FARP1: variants seen among roughly 807,000 people sequenced by gnomAD.
FARP1 encodes the protein FERM, ARHGEF and pleckstrin domain-containing protein 1.
A neutral mutation model predicts 128.8 loss-of-function variants in FARP1; 52 were observed. That is an observed-to-expected ratio of 0.40 (90% CI 0.32 to 0.51). The LOEUF is 0.51. Among genes scored for constraint, FARP1 ranks in the 20% least tolerant of loss-of-function variants. The pLI is 0.45. For missense variants in FARP1, 1,333 were observed against 1,367.9 expected, an observed-to-expected ratio of 0.97 and a Z score of 0.40; for synonymous variants, 580 against 551.8, an observed-to-expected ratio of 1.05 and a Z score of -0.72.
intron 2 of FARP1, among the ~76,000 whole-genome samples, chr13:98,274,776 G>A (rs1208133170): frequency 1.3e-5 from 2 of 152,132 alleles, no homozygotes; most frequent in African/African-American, 4.8e-5. Flanking sequence ...CCAAGTTGGT[G>A]ACCATCAAAA....
chr13:98,275,336 G>GGAGA (rs58331449), intron 2 of FARP1, among the ~76,000 whole-genome samples: 38,641 of 143,258 alleles, frequency 0.27, 5,274 homozygotes, highest in East Asian at 0.5. Context: ...ATGTGGGTAA[G>GGAGA]GAGAGAGAGA....
rs1893217916 is a variant in FARP1, at chr13:98,451,988, A to C, written c.*3671A>C. Reference sequence around the variant, plus strand: ...CATCTCGGTGAGCAAGTGCGCAAGCAGTCCAGGGCGCTGACCTGGGCACTC... The same window carrying C: ...CATCTCGGTGAGCAAGTGCGCAAGCCGTCCAGGGCGCTGACCTGGGCACTC... On this transcript the variant is annotated 3_prime_UTR_variant, in exon 27 of 27. Coordinates refer to ENST00000319562, the MANE Select transcript of FARP1 (RefSeq NM_005766.4). The C allele has an allele frequency of 6.6e-6, 1 of 152,234 alleles. No homozygotes were observed. The highest frequency in any genetic ancestry group is 2.4e-5 in the African/African-American group (1 of 41,436). The allele number at this position is 152,234 out of a possible 1,614,324, so 9.4% of individuals were successfully genotyped here.
chr13:98,311,625 C>T (rs564242705), intron 2 of FARP1, among the ~76,000 whole-genome samples: 8 of 152,144 alleles, frequency 5.3e-5, no homozygotes, highest in African/African-American at 1.7e-4. Flanking sequence ...CTTTTCAATG[C>T]AATCCCAGCC....
chr13:98,211,632 T>G (rs1486313433), intron 1 of FARP1, among the ~76,000 whole-genome samples: 2 of 152,338 alleles, frequency 1.3e-5, no homozygotes, highest in Middle Eastern at 3.4e-3. Flanking sequence ...CCATTCCACT[T>G]CCCAGGAGTG....
intron 2 of FARP1, among the ~76,000 whole-genome samples, chr13:98,223,968 G>T (rs1008295208): frequency 2.0e-5 from 3 of 152,176 alleles, no homozygotes; most frequent in African/African-American, 7.2e-5. Flanking sequence ...ATTTGCCTGT[G>T]ACATGAACTA....
At chr13:98,145,890 G>T (rs1449427801) in intron 1 of FARP1, among the ~76,000 whole-genome samples, 1 of 140,296 alleles carries the variant, frequency 7.1e-6, no homozygotes, top group Non-Finnish European at 1.6e-5. Flanking sequence ...GAGAAAAAAG[G>T]AACTGCCCAA....
intron 2 of FARP1, among the ~76,000 whole-genome samples, chr13:98,234,987 A>C (rs1489566047): frequency 6.6e-6 from 1 of 152,212 alleles, no homozygotes; most frequent in Non-Finnish European, 1.5e-5. Context: ...AATCAAAATA[A>C]ATTTTCTTTA....
chr13:98,439,684 A>G (rs1256296799), intron 21 of FARP1, among the ~76,000 whole-genome samples: 1 of 152,098 alleles, frequency 6.6e-6, no homozygotes, highest in African/African-American at 2.4e-5. Context: ...TGGGCCTGGG[A>G]TGTGGCCCTT....
intron 1 of FARP1, among the ~76,000 whole-genome samples, chr13:98,146,554 G>A (rs1193669190): frequency 6.6e-6 from 1 of 152,188 alleles, no homozygotes; most frequent in Non-Finnish European, 1.5e-5. Context: ...TAGCATGGTG[G>A]ACTGGACATT....
intron 13 of FARP1, chr13:98,401,380 A>G (rs1234324554): frequency 7.4e-6 from 1 of 134,796 alleles, no homozygotes; most frequent in Non-Finnish European, 1.6e-5. Context: ...GACACTTAAT[A>G]TAACAGTTTT....
At position 98,395,223 on chromosome 13, in the gene FARP1, C is replaced by G. The variant is rs1383850453; in HGVS notation, c.1165-4C>G. On this transcript the variant is annotated splice_polypyrimidine_tract_variant and splice_region_variant and intron_variant, in intron 12 of 26. Transcript: ENST00000319562. ...CTCCGCACCTTTTTCCCCACCCCACCCAGTCTCAGCAGAGCACCAGCCTTA... is the reference window on the plus strand; with the variant it reads ...CTCCGCACCTTTTTCCCCACCCCACGCAGTCTCAGCAGAGCACCAGCCTTA... 6.3e-7 allele frequency: 1 copy of G among 1,586,580 alleles called. No homozygotes were observed. Among genetic ancestry groups the G allele is most frequent in the Admixed American group, 1.7e-5 (1 of 58,768 alleles).
intron 2 of FARP1, among the ~76,000 whole-genome samples, chr13:98,288,709 G>A (rs533790311): frequency 3.9e-5 from 6 of 152,324 alleles, no homozygotes; most frequent in East Asian, 3.9e-4. Context: ...ACGGATCATT[G>A]TTTTGATGGC....
At chr13:98,237,187 C>T (rs1303238592) in intron 2 of FARP1, among the ~76,000 whole-genome samples, 1 of 151,542 alleles carries the variant, frequency 6.6e-6, no homozygotes, top group East Asian at 1.9e-4. Context: ...GCCTATAATC[C>T]CAGGTACTCG....
intron 1 of FARP1, among the ~76,000 whole-genome samples, chr13:98,150,174 G>A (rs1188426434): frequency 6.6e-6 from 1 of 152,096 alleles, no homozygotes; most frequent in African/African-American, 2.4e-5. Context: ...GAGTAGCTGA[G>A]ATTACAGGCA....
At chr13:98,393,587 G>T (rs376545030) in intron 11 of FARP1, 56 bp from the exon 12 acceptor site, 2 of 1,412,018 alleles carry the variant, frequency 1.4e-6, no homozygotes, top group Non-Finnish European at 2.0e-6. Flanking sequence ...TTAAAACCAA[G>T]GAAAAAGAAA....
intron 5 of FARP1, among the ~76,000 whole-genome samples, chr13:98,368,932 T>C (rs1009805369): frequency 1.3e-5 from 2 of 150,708 alleles, no homozygotes; most frequent in Non-Finnish European, 3.0e-5. Flanking sequence ...TATATACCTT[T>C]TTTTTTTTTT....
At chr13:98,266,201 A>G (rs1884106578) in intron 2 of FARP1, among the ~76,000 whole-genome samples, 1 of 152,162 alleles carries the variant, frequency 6.6e-6, no homozygotes, top group African/African-American at 2.4e-5. Flanking sequence ...ATTCTGTGTC[A>G]ATGGATTTCC....
At chr13:98,233,353 G>C (rs796681172) in intron 2 of FARP1, among the ~76,000 whole-genome samples, 4 of 152,182 alleles carry the variant, frequency 2.6e-5, no homozygotes, top group African/African-American at 9.6e-5. Context: ...TAGACACTCA[G>C]TCACTGGTGT....
intron 13 of FARP1, chr13:98,400,902 T>C (rs1890735557): frequency 6.6e-6 from 1 of 152,184 alleles, no homozygotes; most frequent in Admixed American, 6.5e-5. Context: ...ACCCTAGCCA[T>C]GTATGTGTAG....
Sources: gnomAD v4.1 joint callset for allele counts (sites outside exome capture counted in the v4.1 genomes callset) on GRCh38, gnomAD v4.1.1 for gene constraint, MANE v1.5 for transcripts, NCBI Gene and HGNC (gene_info 2026-07-23, HGNC 2026-07-21) for gene names.